Variants in NUDT4 observed in about 807,000 individuals in gnomAD.
NUDT4 encodes the protein diphosphoinositol polyphosphate phosphohydrolase 2.
NUDT4 carries 5 observed loss-of-function variants against 23.1 expected under a neutral mutation model. That is an observed-to-expected ratio of 0.22 (90% CI 0.11 to 0.46). The LOEUF (loss-of-function observed/expected upper bound fraction) is 0.46. Among genes scored for constraint, NUDT4 ranks in the 20% least tolerant of loss-of-function variants. NUDT4 has a pLI of 0.99. For missense variants in NUDT4, 96 were observed against 211.6 expected (o/e 0.45, Z 3.39); for synonymous variants, 50 against 79.0 (o/e 0.63, Z 1.95).
In NUDT4 at chr12:93,383,088, T is replaced by TC. The variant is rs754922538; in HGVS notation, c.99+4668dup. On this transcript the variant is annotated intron_variant, in intron 1 of 4. Transcript: ENST00000415493. The stretch of plus-strand genomic sequence containing the variant: ...ATTTGCATTGGATTTTTTTTTTTTT[T>TC]CTTAGGGTCTTGGTATAGCTCAAGC... Among the ~76,000 whole-genome samples, 257 of 152,052 alleles carry TC rather than the reference T, an allele frequency of 1.7e-3. 2 individuals carry two copies. Among genetic ancestry groups the TC allele is most frequent in the Non-Finnish European group, 3.1e-3 (211 of 67,980 alleles).
intron 1 of NUDT4, among the ~76,000 whole-genome samples, chr12:93,384,309 A>G (rs1227080544): frequency 6.6e-6 from 1 of 152,046 alleles, no homozygotes; most frequent in African/African-American, 2.4e-5. Flanking sequence ...CTGAGACTAC[A>G]GGCGTGTGCT....
chr12:93,380,727 G>C (rs2120847174), intron 1 of NUDT4, among the ~76,000 whole-genome samples: 1 of 152,298 alleles, frequency 6.6e-6, no homozygotes, highest in East Asian at 1.9e-4. Context: ...AACTCTGTTA[G>C]CTTTCCTGGA....
intron 1 of NUDT4, among the ~76,000 whole-genome samples, chr12:93,392,752 C>T (rs1876645405): frequency 8.4e-6 from 1 of 118,430 alleles, no homozygotes; most frequent in Non-Finnish European, 1.7e-5. Flanking sequence ...GCTCACTGCT[C>T]ACTGCAACCT....
At chr12:93,395,752 C>T (rs141571013) in intron 3 of NUDT4, among the ~76,000 whole-genome samples, 7 of 152,200 alleles carry the variant, frequency 4.6e-5, no homozygotes, top group African/African-American at 1.4e-4. Flanking sequence ...GACAGAGTCT[C>T]GCTCTGTCGC....
chr12:93,385,739 T>C (rs1029915445), intron 1 of NUDT4, among the ~76,000 whole-genome samples: 1 of 151,778 alleles, frequency 6.6e-6, no homozygotes, highest in African/African-American at 2.4e-5. Context: ...TCCACTTTTG[T>C]AGGAGGGGCT....
chr12:93,397,914 G>T (rs1021884754), intron 3 of NUDT4, among the ~76,000 whole-genome samples: 4 of 152,164 alleles, frequency 2.6e-5, no homozygotes, highest in Non-Finnish European at 5.9e-5. Context: ...GGTCCTAAAG[G>T]AAGCAGTTTT....
At position 93,382,532 on chromosome 12, in the gene NUDT4, A is replaced by G. The variant is rs920709871; in HGVS notation, c.99+4111A>G. Among the ~76,000 whole-genome samples, 133 of 152,160 alleles carry G rather than the reference A, an allele frequency of 8.7e-4. 1 individual carries two copies. Among genetic ancestry groups the G allele is most frequent in the Admixed American group, 8.6e-3 (131 of 15,272 alleles). ...TTACTAGAGTTAAATCTCAACTAGC[A>G]TTTTTATACTTAGAATCAACAGTCA... On this transcript the variant is annotated intron_variant, in intron 1 of 4. Coordinates refer to ENST00000415493, the MANE Select transcript of NUDT4 (RefSeq NM_019094.6).
In NUDT4 at chr12:93,377,955, C is replaced by A. The variant is rs932190115; in HGVS notation, c.-368C>A. ...CCGCGGTGCTGCTGCTCAGTGGGAG[C>A]GGGTCTTCGCAACTGTCTCCGCGTG... On this transcript the variant is annotated 5_prime_UTR_variant, in exon 1 of 5. Transcript: ENST00000415493. 4.4e-5 allele frequency: 12 copies of A among 272,380 alleles called. No individual in the cohort carries two copies. The highest frequency in any genetic ancestry group is 8.0e-5 in the Non-Finnish European group (11 of 137,448). 16.9% of individuals were successfully genotyped at this position (272,380 alleles called of 1,614,324 possible). A position where few individuals can be genotyped will look rare whatever the true frequency, so the allele number is the denominator to read the frequency against.
intron 1 of NUDT4, 144 bp downstream of exon 1, chr12:93,378,565 CCTTTCCTCCCTCACTT>C: frequency 7.7e-7 from 1 of 1,304,894 alleles, no homozygotes; most frequent in South Asian, 2.1e-5. Context: ...CTCCCTCACT[CCTTTCCTCCCTCACTT>C]CTTCCTTCCT....
chr12:93,394,947 C>G (rs921689549), intron 2 of NUDT4, among the ~76,000 whole-genome samples: 2 of 152,048 alleles, frequency 1.3e-5, no homozygotes, highest in African/African-American at 4.8e-5. Context: ...CTCCCAGGTT[C>G]AAGTGATTCT....
At position 93,403,445 on chromosome 12, in the gene NUDT4, A is replaced by C. The variant is rs896732232; in HGVS notation, c.*4066A>C. ...GCGATTCTCCTGCCTCATCCTCCCG[A>C]GGAGCTGGGATCACAGGCGCCTGCC... On this transcript the variant is annotated 3_prime_UTR_variant, in exon 5 of 5. Coordinates refer to ENST00000415493, the MANE Select transcript of NUDT4 (RefSeq NM_019094.6). 2.0e-5 allele frequency: 3 copies of C among 152,084 alleles called. No individual in the cohort carries two copies. 9.4% of individuals were successfully genotyped at this position (152,084 alleles called of 1,614,324 possible).
At chr12:93,392,246 C>A (rs533932194) in intron 1 of NUDT4, among the ~76,000 whole-genome samples, 1 of 131,270 alleles carries the variant, frequency 7.6e-6, no homozygotes, top group African/African-American at 2.7e-5. Context: ...CTTTGTTTCC[C>A]CCCCCCCCTT....
rs1178909535 is a variant in NUDT4 at position 93,407,345 on chromosome 12, C to T, written c.*7966C>T. ...CCCTTCCCCATTAGAGTATATGGTC[C>T]CCAAAGGAAAGCCCCATGCCATTCA... is the stretch of plus-strand genomic sequence containing the variant. On this transcript the variant is annotated 3_prime_UTR_variant, in exon 5 of 5. Coordinates refer to ENST00000415493, the MANE Select transcript of NUDT4 (RefSeq NM_019094.6). The T allele has an allele frequency of 6.6e-6, 1 of 152,200 alleles. No individual in the cohort carries two copies. Among genetic ancestry groups the T allele is most frequent in the Non-Finnish European group, 1.5e-5 (1 of 68,060 alleles). The allele number at this position is 152,200 out of a possible 1,614,324, so 9.4% of individuals were successfully genotyped here. A position where few individuals can be genotyped will look rare whatever the true frequency, so the allele number is the denominator to read the frequency against.
chr12:93,399,256 G>C lies in NUDT4; in HGVS notation c.420G>C (p.Leu140=), dbSNP rs1877173493. The stretch of plus-strand genomic sequence containing the variant: ...ATAAACCTGTACATGCAGAGTATCT[G>C]GAAAAGCTAAAGCTGGGTTGTTCCC... ...QCHKPVHAEY[L]EKLKLGCSPA... is the part of the protein sequence containing the mutation. Residue 140 remains leucine, a synonymous_variant, in exon 5 of 5, where the codon CTG becomes CTC. Transcript: ENST00000415493. The C allele has an allele frequency of 1.4e-6, 2 of 1,411,086 alleles. No homozygotes were observed. The highest frequency in any genetic ancestry group is 2.3e-5 in the East Asian group (1 of 43,874). The allele number at this position is 1,411,086 out of a possible 1,614,324, so 87.4% of individuals were successfully genotyped here.
rs144537964 is a variant in NUDT4, at chr12:93,384,799, C to T, written c.99+6378C>T. On this transcript the variant is annotated intron_variant, in intron 1 of 4. Coordinates refer to ENST00000415493, the MANE Select transcript of NUDT4 (RefSeq NM_019094.6). ...TTTTTAAGAGTCTCACTCTGTCACC[C>T]AGGCTGGAGTGCAGAGGCGTGACCT... Among the ~76,000 whole-genome samples, 255 of 152,108 alleles carry T rather than the reference C, an allele frequency of 1.7e-3. No homozygotes were observed. In the East Asian group the frequency reaches 0.019, roughly 11 times the overall value.
At chr12:93,381,743 A>G (rs560794685) in intron 1 of NUDT4, among the ~76,000 whole-genome samples, 2 of 152,228 alleles carry the variant, frequency 1.3e-5, no homozygotes, top group South Asian at 2.1e-4. Context: ...AAAATTTGCA[A>G]CACTTCAAAT....
chr12:93,393,108 T>TTCC (rs1205051494), intron 1 of NUDT4, among the ~76,000 whole-genome samples: 6 of 133,574 alleles, frequency 4.5e-5, no homozygotes, highest in African/African-American at 1.8e-4. Flanking sequence ...TTTTTTTTTT[T>TTCC]CCCCGAGATG....
At chr12:93,389,956 T>C (rs962067832) in intron 1 of NUDT4, among the ~76,000 whole-genome samples, 2 of 152,168 alleles carry the variant, frequency 1.3e-5, no homozygotes, top group African/African-American at 4.8e-5. Context: ...ACACATCTTA[T>C]ACTAATGGTT....
Position 93,405,058 on chromosome 12 carries a change from T to C in NUDT4, c.*5679T>C, listed in dbSNP as rs973381792. On this transcript the variant is annotated 3_prime_UTR_variant, in exon 5 of 5. Transcript: ENST00000415493. ...ACTGTTTTAGGAGAAAAAAACAACA[T>C]GAATTGTAATAACTTGGACTTACTT... is the stretch of plus-strand genomic sequence containing the variant. The C allele has an allele frequency of 2.6e-5, 4 of 152,156 alleles. No individual in the cohort carries two copies. The highest frequency in any genetic ancestry group is 9.7e-5 in the African/African-American group (4 of 41,432). 9.4% of individuals were successfully genotyped at this position (152,156 alleles called of 1,614,324 possible).
Sources: allele counts gnomAD v4.1 joint callset (sites outside exome capture counted in the v4.1 genomes callset), GRCh38; gene constraint gnomAD v4.1.1; transcripts MANE v1.5; gene names NCBI Gene and HGNC (gene_info 2026-07-23, HGNC 2026-07-21).